The following LGSN variants were observed in gnomAD, a reference collection of about 807,000 sequenced individuals.
LGSN encodes lengsin, lens protein with glutamine synthetase domain.
LGSN carries 21 observed loss-of-function variants against 19.5 expected under a neutral mutation model. The observed-to-expected ratio is 1.07, with a 90% CI of 0.76 to 1.55. The LOEUF (loss-of-function observed/expected upper bound fraction) is 1.55, where lower values mean the gene tolerates loss of function less well. LGSN is among the 40% of genes most tolerant of loss of function. The probability of loss-of-function intolerance (pLI) is 0.00; values close to 1 mark genes in which losing one functional copy is unlikely to be tolerated. For missense variants in LGSN, 673 were observed against 608.5 expected, an observed-to-expected ratio of 1.11 and a Z score of -1.12; for synonymous variants, 257 against 215.6, an observed-to-expected ratio of 1.19 and a Z score of -1.68.
chr6:63,536,426 A>G, the LGSN span, among the ~76,000 whole-genome samples: 1 of 152,228 alleles, frequency 6.6e-6, no homozygotes, highest in Non-Finnish European at 1.5e-5. Flanking sequence ...TTGAAAACCA[A>G]TCACAAAAGT....
chr6:63,549,042 A>G, the LGSN span: 5 of 725,198 alleles, frequency 6.9e-6, no homozygotes, highest in Non-Finnish European at 1.3e-5. Flanking sequence ...GTGTGCAATC[A>G]CCACCGGCTG....
At chr6:63,486,083 G>A in the LGSN span, among the ~76,000 whole-genome samples, 1 of 152,090 alleles carries the variant, frequency 6.6e-6, no homozygotes, top group Admixed American at 6.6e-5. Context: ...AGTAACTTTG[G>A]TGATGGATGG....
Position 63,276,977 on chromosome 6 carries a change from A to T in LGSN, c.*3044T>A, listed in dbSNP as rs1054627769. On this transcript the variant is annotated 3_prime_UTR_variant, in exon 4 of 4. Coordinates refer to ENST00000370657, the MANE Select transcript of LGSN (RefSeq NM_016571.3). The stretch of plus-strand genomic sequence containing the variant: ...GTTGCCTTAAAGAACAAGAATATAC[A>T]TCAGCACACACCTAACTGAAATCTT... 3 of 152,110 alleles carry T rather than the reference A, an allele frequency of 2.0e-5. No homozygotes were observed. Among genetic ancestry groups the T allele is most frequent in the South Asian group, 2.1e-4 (1 of 4,794 alleles). 9.4% of individuals were successfully genotyped at this position (152,110 alleles called of 1,614,324 possible).
chr6:63,551,294 G>A, the LGSN span, among the ~76,000 whole-genome samples: 3 of 152,118 alleles, frequency 2.0e-5, no homozygotes, highest in Non-Finnish European at 4.4e-5. Context: ...TCGAATTCCT[G>A]ACCTCAGGTG....
chr6:63,554,170 A>T, the LGSN span, among the ~76,000 whole-genome samples: 1 of 152,184 alleles, frequency 6.6e-6, no homozygotes, highest in Non-Finnish European at 1.5e-5. Context: ...TACAATCCTC[A>T]CCAGAAGTGT....
chr6:63,375,766 AAGAT>A, the LGSN span, among the ~76,000 whole-genome samples: 2 of 152,126 alleles, frequency 1.3e-5, no homozygotes, highest in Non-Finnish European at 2.9e-5. Context: ...ACAAGAGAGA[AAGAT>A]AGCATGTTAG....
the LGSN span, among the ~76,000 whole-genome samples, chr6:63,363,352 T>C: frequency 6.6e-6 from 1 of 152,178 alleles, no homozygotes; most frequent in African/African-American, 2.4e-5. Context: ...GAGAATGACT[T>C]TGACGAGTTG....
At chr6:63,477,972 ATCT>A in the LGSN span, among the ~76,000 whole-genome samples, 2 of 151,122 alleles carry the variant, frequency 1.3e-5, no homozygotes, top group South Asian at 2.1e-4. Flanking sequence ...CCCCCTACTC[ATCT>A]TCTTCTTTTT....
chr6:63,416,965 CG>C, the LGSN span, among the ~76,000 whole-genome samples: 1 of 147,550 alleles, frequency 6.8e-6, no homozygotes, highest in Admixed American at 6.7e-5. Flanking sequence ...ACACATTTAA[CG>C]AAAGTCGAAC....
intron 3 of LGSN, among the ~76,000 whole-genome samples, chr6:63,282,435 G>T (rs180982562): frequency 6.6e-6 from 1 of 152,028 alleles, no homozygotes; most frequent in East Asian, 1.9e-4. Context: ...CGAGATAAAG[G>T]CAACAGCAGA....
chr6:63,347,892 C>A, the LGSN span, among the ~76,000 whole-genome samples: 1 of 152,050 alleles, frequency 6.6e-6, no homozygotes, highest in Non-Finnish European at 1.5e-5. Flanking sequence ...GTCCATTAGT[C>A]AGGAATGACT....
At chr6:63,515,502 A>AT in the LGSN span, among the ~76,000 whole-genome samples, 1 of 152,196 alleles carries the variant, frequency 6.6e-6, no homozygotes, top group African/African-American at 2.4e-5. Flanking sequence ...AAGTGCTGAG[A>AT]TTATAGGCGT....
the LGSN span, among the ~76,000 whole-genome samples, chr6:63,376,863 GT>G: frequency 6.6e-6 from 1 of 152,208 alleles, no homozygotes; most frequent in Non-Finnish European, 1.5e-5. Context: ...ACATTCACAA[GT>G]GGCCACTATT....
At chr6:63,281,330 T>TAAAA (rs1554170061) in intron 3 of LGSN, 110 bp from the exon 4 acceptor site, 1 of 149,520 alleles carries the variant, frequency 6.7e-6, no homozygotes, top group African/African-American at 2.7e-5. Flanking sequence ...TATATATATA[T>TAAAA]AATAAATATA....
At chr6:63,556,250 C>G in the LGSN span, among the ~76,000 whole-genome samples, 1 of 152,052 alleles carries the variant, frequency 6.6e-6, no homozygotes, top group Non-Finnish European at 1.5e-5. Context: ...GCTCTTCCTC[C>G]GAGGCTCCAG....
chr6:63,322,796 A>C (rs1769115692), upstream of LGSN, among the ~76,000 whole-genome samples: 1 of 152,198 alleles, frequency 6.6e-6, no homozygotes, highest in African/African-American at 2.4e-5. Context: ...TGATTAAAAA[A>C]TATTGGAGTG....
the LGSN span, among the ~76,000 whole-genome samples, chr6:63,377,843 G>A: frequency 6.6e-6 from 1 of 150,756 alleles, no homozygotes; most frequent in East Asian, 2.0e-4. Context: ...GAACCCGGGA[G>A]GTGGAGGTCG....
the LGSN span, among the ~76,000 whole-genome samples, chr6:63,542,035 G>C: frequency 6.6e-6 from 1 of 151,052 alleles, no homozygotes; most frequent in East Asian, 1.9e-4. Context: ...GTGTGTGTGT[G>C]TGTGTGTGTG....
chr6:63,566,734 A>T, the LGSN span, among the ~76,000 whole-genome samples: 2 of 152,146 alleles, frequency 1.3e-5, no homozygotes, highest in African/African-American at 4.8e-5. Context: ...GAAATAAGAC[A>T]ATGGAGTTTG....
Sources: gnomAD v4.1 joint callset for allele counts (sites outside exome capture counted in the v4.1 genomes callset) on GRCh38, gnomAD v4.1.1 for gene constraint, MANE v1.5 for transcripts, NCBI Gene and HGNC (gene_info 2026-07-23, HGNC 2026-07-21) for gene names.